The following SLC27A6 variants were observed in gnomAD, a reference collection of about 807,000 sequenced individuals.
SLC27A6 encodes the protein solute carrier family 27 member 6, also known as long-chain fatty acid transport protein 6.
A neutral mutation model predicts 63.9 loss-of-function variants in SLC27A6; 74 were observed. That is an observed-to-expected ratio of 1.16 (90% CI 0.96 to 1.40). The LOEUF is 1.40. SLC27A6 is among the 40% of genes most tolerant of loss of function. SLC27A6 has a pLI of 0.00. For synonymous variants in SLC27A6, 287 were observed against 260.8 expected (o/e 1.10, Z -0.97); for missense variants, 794 against 732.9 (o/e 1.08, Z -0.96).
intron 1 of SLC27A6, among the ~76,000 whole-genome samples, chr5:128,970,076 G>T (rs558111196): frequency 0.19 from 26,332 of 135,506 alleles, 3,329 homozygotes; most frequent in Middle Eastern, 0.28. Context: ...TTATTGATTT[G>T]CATGTGCTGA....
chr5:129,016,905 A>G (rs1751916207), intron 5 of SLC27A6, among the ~76,000 whole-genome samples: 1 of 152,212 alleles, frequency 6.6e-6, no homozygotes, highest in African/African-American at 2.4e-5. Flanking sequence ...AGCAACCACA[A>G]AACACAAAAG....
chr5:129,004,358 C>T (rs1467715578), intron 4 of SLC27A6, among the ~76,000 whole-genome samples: 1 of 152,166 alleles, frequency 6.6e-6, no homozygotes, highest in Non-Finnish European at 1.5e-5. Context: ...CTGGCTCTGT[C>T]TCTCACCTTT....
At chr5:129,026,038 G>T (rs1752233011) in intron 6 of SLC27A6, among the ~76,000 whole-genome samples, 2 of 152,154 alleles carry the variant, frequency 1.3e-5, no homozygotes, top group South Asian at 4.1e-4. Context: ...GGGAAGTTGA[G>T]GTGGGAGGAT....
intron 5 of SLC27A6, among the ~76,000 whole-genome samples, chr5:129,017,817 C>G (rs1344499863): frequency 6.6e-6 from 1 of 152,080 alleles, no homozygotes; most frequent in African/African-American, 2.4e-5. Flanking sequence ...TTTTATCACA[C>G]TAAATGAAAT....
At chr5:128,979,038 C>T (rs1459248510) in intron 1 of SLC27A6, among the ~76,000 whole-genome samples, 2 of 151,962 alleles carry the variant, frequency 1.3e-5, no homozygotes, top group Non-Finnish European at 2.9e-5. Flanking sequence ...CAATGATTAT[C>T]ATTCAGTCTT....
chr5:128,969,413 A>G (rs1352270570), intron 1 of SLC27A6, among the ~76,000 whole-genome samples: 1 of 152,126 alleles, frequency 6.6e-6, no homozygotes, highest in Non-Finnish European at 1.5e-5. Context: ...ATGTTCTTCC[A>G]TTTGTTTGTG....
intron 4 of SLC27A6, among the ~76,000 whole-genome samples, chr5:129,015,395 G>A (rs1393464065): frequency 1.3e-5 from 2 of 152,070 alleles, no homozygotes; most frequent in African/African-American, 4.8e-5. Flanking sequence ...TCTATGTTAA[G>A]CACTGCGTAT....
At chr5:128,973,623 T>C (rs771309182) in intron 1 of SLC27A6, among the ~76,000 whole-genome samples, 1 of 152,154 alleles carries the variant, frequency 6.6e-6, no homozygotes, top group Admixed American at 6.5e-5. Flanking sequence ...GCTAAGACCA[T>C]TGGAAAAGTG....
intron 1 of SLC27A6, among the ~76,000 whole-genome samples, chr5:128,973,187 C>A (rs1438389565): frequency 6.6e-6 from 1 of 152,080 alleles, no homozygotes; most frequent in Non-Finnish European, 1.5e-5. Context: ...TCAGTTGGCC[C>A]CTACTGGGAG....
chr5:128,999,875 A>C (rs541353158), intron 4 of SLC27A6, among the ~76,000 whole-genome samples: 1 of 152,188 alleles, frequency 6.6e-6, no homozygotes, highest in South Asian at 2.1e-4. Context: ...TTATACATGC[A>C]TCAAGAGAAT....
intron 4 of SLC27A6, among the ~76,000 whole-genome samples, chr5:129,006,069 C>CTTTTTTTTTTTTTTTTTT (rs1561624835): frequency 1.5e-5 from 1 of 64,854 alleles, no homozygotes; most frequent in East Asian, 1.7e-3. Context: ...CCTGTGCACA[C>CTTTTTTTTTTTTTTTTTT]TGTTTTTTTT....
chr5:129,006,190 C>T lies in SLC27A6; in HGVS notation c.970-9695C>T, dbSNP rs1230723455. On this transcript the variant is annotated intron_variant, in intron 4 of 9. Transcript: ENST00000262462. ...ACCTCCTCCGTTCACGCCATTCTCC[C>T]GCCTCAGCCTCCCGAGTAGCTGGCA... is the stretch of plus-strand genomic sequence containing the variant. Among the ~76,000 whole-genome samples, 21 of 149,190 alleles carry T rather than the reference C, an allele frequency of 1.4e-4. 1 individual carries two copies. Among genetic ancestry groups the T allele is most frequent in the Admixed American group, 5.4e-4 (8 of 14,930 alleles).
At chr5:128,975,014 TAC>T (rs1418761660) in intron 1 of SLC27A6, among the ~76,000 whole-genome samples, 1 of 152,208 alleles carries the variant, frequency 6.6e-6, no homozygotes, top group Non-Finnish European at 1.5e-5. Flanking sequence ...AGCTAGTATA[TAC>T]AGTCATGAAT....
chr5:129,015,381 T>A (rs550492013), intron 4 of SLC27A6, among the ~76,000 whole-genome samples: 2 of 152,312 alleles, frequency 1.3e-5, no homozygotes, highest in South Asian at 4.1e-4. Context: ...AAATTGTCGT[T>A]TACTCTATGT....
In SLC27A6 at chr5:128,990,588, T is replaced by G. The variant is rs996196974; in HGVS notation, c.969+124T>G. 12 of 1,034,716 alleles carry G rather than the reference T, an allele frequency of 1.2e-5. No homozygotes were observed. In the Admixed American group the frequency reaches 3.3e-4, roughly 28 times the overall value. The allele number at this position is 1,034,716 out of a possible 1,614,324, so 64.1% of individuals were successfully genotyped here. ...ACTGGCGGGTCTTTGTTCTTAGAGC[T>G]TCCAAGATAGTGGCAGGTGCTACCT... On this transcript the variant is annotated intron_variant, in intron 4 of 9. Transcript: ENST00000262462.
At chr5:128,970,471 C>G (rs565097090) in intron 1 of SLC27A6, among the ~76,000 whole-genome samples, 1 of 152,132 alleles carries the variant, frequency 6.6e-6, no homozygotes, top group African/African-American at 2.4e-5. Context: ...TCAACTTCTT[C>G]CTGGTTTAGT....
At chr5:129,031,564 A>G (rs1180880322) in intron 9 of SLC27A6, among the ~76,000 whole-genome samples, 3 of 152,000 alleles carry the variant, frequency 2.0e-5, no homozygotes, top group African/African-American at 4.8e-5. Flanking sequence ...GTCAAAATGC[A>G]TCTTAGGAAG....
intron 5 of SLC27A6, among the ~76,000 whole-genome samples, chr5:129,016,583 G>C (rs1309310601): frequency 2.6e-5 from 4 of 151,020 alleles, no homozygotes; most frequent in African/African-American, 9.7e-5. Flanking sequence ...GTTATCTTCT[G>C]TATTTTCTCT....
intron 6 of SLC27A6, among the ~76,000 whole-genome samples, chr5:129,025,624 T>C (rs948587922): frequency 2.0e-5 from 3 of 152,100 alleles, no homozygotes; most frequent in Non-Finnish European, 2.9e-5. Context: ...ATCATGACTA[T>C]TATGCAAAAA....
Sources: gnomAD v4.1 joint callset for allele counts (sites outside exome capture counted in the v4.1 genomes callset) on GRCh38, gnomAD v4.1.1 for gene constraint, MANE v1.5 for transcripts, NCBI Gene and HGNC (gene_info 2026-07-23, HGNC 2026-07-21) for gene names.